PRDM16: variants seen among roughly 807,000 people sequenced by gnomAD.
The protein encoded by PRDM16 is histone-lysine N-methyltransferase PRDM16.
PRDM16 carries 23 observed loss-of-function variants against 110.6 expected under a neutral mutation model. The ratio of observed to expected loss-of-function variants is 0.21; its 90% CI spans 0.15 to 0.29. The LOEUF is 0.29. PRDM16 is among the 10% of genes least tolerant of loss of function. The pLI is 1.00. For synonymous variants in PRDM16, 799 were observed against 781.8 expected (o/e 1.02, Z -0.37); for missense variants, 1,615 against 1,794.3 (o/e 0.90, Z 1.81).
intron 3 of PRDM16, among the ~76,000 whole-genome samples, chr1:3,364,688 C>T (rs972639474): frequency 4.6e-5 from 7 of 152,238 alleles, no homozygotes; most frequent in African/African-American, 1.7e-4. Flanking sequence ...TCCTCCCCCA[C>T]TCAGCTGCGC....
intron 3 of PRDM16, among the ~76,000 whole-genome samples, chr1:3,331,373 T>G (rs1642038883): frequency 6.6e-6 from 1 of 152,032 alleles, no homozygotes; most frequent in Non-Finnish European, 1.5e-5. Flanking sequence ...GAATGGACCC[T>G]CTCTGCAGAG....
At position 3,382,721 on chromosome 1, in the gene PRDM16, A is replaced by C. The variant is rs1440440818; in HGVS notation, c.439-2431A>C. Among the ~76,000 whole-genome samples, 3 of 152,150 alleles carry C rather than the reference A, an allele frequency of 2.0e-5. No individual in the cohort carries two copies. The highest frequency in any genetic ancestry group is 7.2e-5 in the African/African-American group (3 of 41,442). On this transcript the variant is annotated intron_variant, in intron 3 of 16. Transcript: ENST00000270722. The surrounding 1 kb of genome is among the most constrained non-coding windows in gnomAD (Gnocchi z 6.6). Reference sequence around the variant, plus strand: ...AGGAGCACGTACTCCTGGCTGCACCAATGGGGTGCTGTGACCCAGGTGCTC... The same window carrying C: ...AGGAGCACGTACTCCTGGCTGCACCCATGGGGTGCTGTGACCCAGGTGCTC...
In PRDM16 at chr1:3,194,974, T is replaced by A. The variant is rs1465783098; in HGVS notation, c.387+8500T>A. Reference sequence around the variant, plus strand: ...GTGAGGCCAGGAAGCTTTGCCGCGCTTCCCCACTCAGGAGCTTCTGGATGT... The same window carrying A: ...GTGAGGCCAGGAAGCTTTGCCGCGCATCCCCACTCAGGAGCTTCTGGATGT... On this transcript the variant is annotated intron_variant, in intron 2 of 16. Transcript: ENST00000270722. Among the ~76,000 whole-genome samples the A allele has an allele frequency of 3.3e-5, 5 of 152,310 alleles. No homozygotes were observed. In the East Asian group the frequency reaches 9.7e-4, roughly 29 times the overall value.
chr1:3,367,176 G>A (rs145188825), intron 3 of PRDM16, among the ~76,000 whole-genome samples: 4 of 152,272 alleles, frequency 2.6e-5, no homozygotes, highest in Non-Finnish European at 5.9e-5. Flanking sequence ...GGCTGAGGCA[G>A]GAGAATCTCT....
In PRDM16 at chr1:3,257,792, G is replaced by A. The variant is rs1044202087; in HGVS notation, c.438+13655G>A. On this transcript the variant is annotated intron_variant, in intron 3 of 16. Coordinates refer to ENST00000270722, the MANE Select transcript of PRDM16 (RefSeq NM_022114.4). ...GCCAGGATACAACCAACCACACATC[G>A]GAGCCCGCACAGTCGGAGGGCTGAT... 6.6e-5 allele frequency among the ~76,000 whole-genome samples: 10 copies of A among 152,124 alleles called. No homozygotes were observed. The South Asian group carries it at 1.2e-3, about 19-fold the overall frequency.
At chr1:3,103,028 T>C (rs1042834566) in intron 1 of PRDM16, among the ~76,000 whole-genome samples, 1 of 152,208 alleles carries the variant, frequency 6.6e-6, no homozygotes, top group Non-Finnish European at 1.5e-5. Flanking sequence ...GGAACTCAGG[T>C]TCCTCCCAGT....
At chr1:3,223,271 G>A (rs1475405500) in intron 2 of PRDM16, among the ~76,000 whole-genome samples, 1 of 152,038 alleles carries the variant, frequency 6.6e-6, no homozygotes, top group Admixed American at 6.6e-5. Flanking sequence ...CTAGGGCGCG[G>A]CTCATCGCAG....
chr1:3,183,780 G>A (rs182155078), intron 1 of PRDM16, among the ~76,000 whole-genome samples: 58 of 152,332 alleles, frequency 3.8e-4, no homozygotes, highest in African/African-American at 1.4e-3. Flanking sequence ...GCCCTGCAAC[G>A]GATATGCACT....
intron 1 of PRDM16, among the ~76,000 whole-genome samples, chr1:3,086,228 T>A (rs1642148047): frequency 6.6e-6 from 1 of 152,046 alleles, no homozygotes; most frequent in Non-Finnish European, 1.5e-5. Flanking sequence ...TTAAAAACCA[T>A]AAGGTGCTTG....
At chr1:3,374,983 C>T (rs1311586582) in intron 3 of PRDM16, among the ~76,000 whole-genome samples, 1 of 152,206 alleles carries the variant, frequency 6.6e-6, no homozygotes, top group Non-Finnish European at 1.5e-5. Flanking sequence ...CAGGGGTCCT[C>T]CAGGACATCT....
intron 3 of PRDM16, among the ~76,000 whole-genome samples, chr1:3,376,701 G>A (rs1038489071): frequency 1.3e-5 from 2 of 151,888 alleles, no homozygotes; most frequent in East Asian, 3.9e-4. Context: ...CCAAGCAGCA[G>A]CCTCTCTCTC....
At position 3,417,951 on chromosome 1, in the gene PRDM16, C is replaced by A. The variant is rs150022595; in HGVS notation, c.2815C>A (p.Leu939Ile). The A allele has an allele frequency of 5.7e-5, 92 of 1,613,064 alleles. No individual in the cohort carries two copies. Among genetic ancestry groups the A allele is most frequent in the Admixed American group, 2.0e-4 (12 of 59,986 alleles). ...PFNFRSPPPT[L>I]SDPILRKGKE... ...CAACTTCCGGTCCCCACCCCCAACG[C>A]TCTCCGACCCCATCCTCAGGAAGGG... Residue 939 changes from leucine (L) to isoleucine (I), a missense_variant, in exon 11 of 17, where the codon CTC (leucine) becomes ATC (isoleucine). This residue lies in a region of PRDM16 where 772 missense variants were observed against 748.3 expected (regional missense o/e 1.03). Transcript: ENST00000270722.
intron 1 of PRDM16, among the ~76,000 whole-genome samples, chr1:3,113,233 T>G (rs952713401): frequency 4.6e-5 from 7 of 152,324 alleles, no homozygotes; most frequent in Admixed American, 6.5e-5. Flanking sequence ...TCAGCCCGTC[T>G]GCGGTGGCCT....
chr1:3,114,295 GCACACGCACGCA>G (rs918390409), intron 1 of PRDM16, among the ~76,000 whole-genome samples: 2 of 108,244 alleles, frequency 1.8e-5, no homozygotes, highest in African/African-American at 3.6e-5. Flanking sequence ...CAGTGGAAAC[GCACACGCACGCA>G]CACACACGCA....
intron 3 of PRDM16, among the ~76,000 whole-genome samples, chr1:3,285,613 GC>G (rs1482565387): frequency 9.9e-5 from 15 of 152,194 alleles, no homozygotes; most frequent in African/African-American, 3.4e-4. Flanking sequence ...ATCCACATTG[GC>G]CGTGGTCATA....
chr1:3,212,556 G>T (rs1339191735), intron 2 of PRDM16, among the ~76,000 whole-genome samples: 1 of 142,858 alleles, frequency 7.0e-6, no homozygotes. Context: ...CTGGACGCCT[G>T]CACCCCAGAG....
chr1:3,200,534 G>T (rs988195232), intron 2 of PRDM16, among the ~76,000 whole-genome samples: 1 of 152,110 alleles, frequency 6.6e-6, no homozygotes, highest in East Asian at 1.9e-4. Context: ...AGTAGAGACG[G>T]GGTTTCACCG....
intron 3 of PRDM16, among the ~76,000 whole-genome samples, chr1:3,311,398 T>A (rs1434917999): frequency 1.3e-5 from 2 of 152,158 alleles, no homozygotes; most frequent in African/African-American, 4.8e-5. Context: ...AACCTGCCCG[T>A]GCATTGGTGC....
chr1:3,173,965 T>C (rs1043277283), intron 1 of PRDM16, among the ~76,000 whole-genome samples: 9 of 152,220 alleles, frequency 5.9e-5, no homozygotes, highest in Non-Finnish European at 8.8e-5. Flanking sequence ...TGGCCCGTGC[T>C]ATGGTCGCTT....
Sources: gnomAD v4.1 joint callset for allele counts (sites outside exome capture counted in the v4.1 genomes callset) on GRCh38, gnomAD v4.1.1 for gene constraint, gnomAD v4.1.1 regional missense constraint, Gnocchi (gnomAD v3.1) non-coding constraint, MANE v1.5 for transcripts, NCBI Gene and HGNC (gene_info 2026-07-23, HGNC 2026-07-21) for gene names.